GNAL: variants seen among roughly 807,000 people sequenced by gnomAD.
GNAL encodes the protein G protein subunit alpha L.
GNAL carries 18 observed loss-of-function variants against 55.1 expected under a neutral mutation model. The observed-to-expected ratio is 0.33, with a 90% CI of 0.23 to 0.48. GNAL has a LOEUF of 0.48. Among genes scored for constraint, GNAL ranks in the 20% least tolerant of loss-of-function variants. GNAL has a pLI of 0.99. For missense variants in GNAL, 412 were observed against 614.1 expected, an observed-to-expected ratio of 0.67 and a Z score of 3.48; for synonymous variants, 253 against 237.0, an observed-to-expected ratio of 1.07 and a Z score of -0.62.
chr18:11,798,178 T>C (rs1017776791), intron 4 of GNAL, among the ~76,000 whole-genome samples: 3 of 152,216 alleles, frequency 2.0e-5, no homozygotes, highest in African/African-American at 4.8e-5. Context: ...ATCTAGACTT[T>C]ACAACACAGT....
intron 1 of GNAL, among the ~76,000 whole-genome samples, chr18:11,703,795 GCACA>G (rs35455680): frequency 0.023 from 3,314 of 141,328 alleles, 81 homozygotes; most frequent in African/African-American, 0.066. Context: ...GTGTTGATGG[GCACA>G]CACACACACA....
chr18:11,881,036 C>T lies in GNAL; in HGVS notation c.1278C>T (p.His426=). 1.2e-6 allele frequency: 2 copies of T among 1,614,164 alleles called. No homozygotes were observed. Among genetic ancestry groups the T allele is most frequent in the East Asian group, 2.2e-5 (1 of 44,882 alleles). Residue 426 remains histidine (H), a synonymous_variant, in exon 12 of 12, where the codon CAC becomes CAT. Coordinates refer to ENST00000334049, the MANE Select transcript of GNAL (RefSeq NM_182978.4). The surrounding 1 kb of genome is among the most constrained non-coding windows in gnomAD (Gnocchi z 4.8). ...TGDGKHYCYP[H]FTCAVDTENI... is the part of the protein sequence containing the mutation. The stretch of plus-strand genomic sequence containing the variant: ...ACGGCAAACATTACTGCTACCCGCA[C>T]TTCACCTGCGCCGTGGACACAGAGA...
At chr18:11,769,482 G>C (rs1001457934) in intron 4 of GNAL, among the ~76,000 whole-genome samples, 6 of 152,048 alleles carry the variant, frequency 3.9e-5, no homozygotes, top group Non-Finnish European at 8.8e-5. Flanking sequence ...CTGGGGGACA[G>C]TAAGCTTTGG....
intron 11 of GNAL, among the ~76,000 whole-genome samples, chr18:11,877,639 G>A (rs528162084): frequency 1.6e-4 from 25 of 152,260 alleles, no homozygotes; most frequent in Middle Eastern, 6.8e-3. Context: ...CGATGTTCCC[G>A]GTAGTACTCC....
At chr18:11,859,814 C>T (rs1390026339) in intron 5 of GNAL, among the ~76,000 whole-genome samples, 4 of 150,586 alleles carry the variant, frequency 2.7e-5, no homozygotes, top group East Asian at 3.9e-4. Context: ...GGTGTGATCT[C>T]GGCTCACTAC....
rs1054016347 is a variant in GNAL at position 11,825,030 on chromosome 18, G to C, written c.722+15G>C. On this transcript the variant is annotated intron_variant, in intron 5 of 11. Transcript: ENST00000334049. ...TGTGCACAATAGTAAGTTGTGTCCT[G>C]TACAAGTTACAGGGCCCTTTGAAGA... 7.9e-6 allele frequency: 11 copies of C among 1,387,774 alleles called. No individual in the cohort carries two copies. The highest frequency in any genetic ancestry group is 7.1e-6 in the Non-Finnish European group (7 of 979,730). 86.0% of individuals were successfully genotyped at this position (1,387,774 alleles called of 1,614,324 possible).
At chr18:11,815,124 G>C (rs1036107988) in intron 4 of GNAL, among the ~76,000 whole-genome samples, 2 of 152,098 alleles carry the variant, frequency 1.3e-5, no homozygotes, top group Non-Finnish European at 2.9e-5. Flanking sequence ...AGCAGACTTG[G>C]AATATTATCA....
At chr18:11,737,653 C>T (rs116129851) in intron 1 of GNAL, among the ~76,000 whole-genome samples, 4 of 152,334 alleles carry the variant, frequency 2.6e-5, no homozygotes, top group African/African-American at 9.6e-5. Flanking sequence ...CCCCACATAG[C>T]AGTGCAGGTT....
chr18:11,789,705 A>G (rs567534131), intron 4 of GNAL, among the ~76,000 whole-genome samples: 28 of 152,296 alleles, frequency 1.8e-4, no homozygotes, highest in Admixed American at 1.5e-3. Flanking sequence ...CTGTCTTAGC[A>G]TTTGCTACCA....
rs192853899 is a variant in GNAL, at chr18:11,841,994, C to T, written c.722+16979C>T. Among the ~76,000 whole-genome samples, 22 of 149,952 alleles carry T rather than the reference C, an allele frequency of 1.5e-4. 1 individual carries two copies. The East Asian group carries it at 3.1e-3, about 21-fold the overall frequency. On this transcript the variant is annotated intron_variant, in intron 5 of 11. Transcript: ENST00000334049. ...GTTCAGATTTTTTTTTTTTTTGAGA[C>T]GGAGTTTCGCTGTTGTTGCCCAGGC...
intron 1 of GNAL, among the ~76,000 whole-genome samples, chr18:11,739,383 C>T (rs1445304625): frequency 6.6e-6 from 1 of 152,126 alleles, no homozygotes; most frequent in Non-Finnish European, 1.5e-5. Flanking sequence ...CCATCATGGC[C>T]GTTGACTCCC....
chr18:11,885,514 G>T lies in GNAL; in HGVS notation c.*4379G>T. The T allele has an allele frequency of 2.5e-6, 2 of 793,526 alleles. No individual in the cohort carries two copies. The highest frequency in any genetic ancestry group is 2.0e-6 in the Non-Finnish European group (1 of 501,866). The allele number at this position is 793,526 out of a possible 1,614,324, so 49.2% of individuals were successfully genotyped here. On this transcript the variant is annotated 3_prime_UTR_variant, in exon 12 of 12. Transcript: ENST00000334049. ...ATGTCATGCTGATTGGTTCCCGGAA[G>T]GGTGTTTGGCAAGGGGCAGTGTATG...
chr18:11,768,462 G>T (rs1257704963), intron 4 of GNAL, among the ~76,000 whole-genome samples: 2 of 151,980 alleles, frequency 1.3e-5, no homozygotes, highest in Admixed American at 6.6e-5. Flanking sequence ...TTAGCTGGGC[G>T]TGGTGGCACA....
intron 1 of GNAL, among the ~76,000 whole-genome samples, chr18:11,742,336 C>T (rs1295951346): frequency 6.6e-6 from 1 of 152,064 alleles, no homozygotes; most frequent in African/African-American, 2.4e-5. Flanking sequence ...TAGTTCTATT[C>T]CTATTGAATG....
At position 11,881,012 on chromosome 18, in the gene GNAL, C is replaced by T. The variant is rs752479000; in HGVS notation, c.1254C>T (p.Asp418=). The change falls in exon 12 of 12, where the codon GAC becomes GAT. Residue 418 remains aspartate, a synonymous_variant. Transcript: ENST00000334049. This position sits in a 1 kb window ranked among gnomAD's most constrained non-coding sequence, Gnocchi z 4.8. ...AGAGGATCAGCACGGCCACCGGTGA[C>T]GGCAAACATTACTGCTACCCGCACT... The part of the protein sequence containing the change: ...LFLRISTATG[D]GKHYCYPHFT... 2.6e-5 allele frequency: 42 copies of T among 1,613,984 alleles called. No homozygotes were observed. Among genetic ancestry groups the T allele is most frequent in the East Asian group, 4.5e-5 (2 of 44,884 alleles).
At chr18:11,700,766 A>G (rs2031547437) in intron 1 of GNAL, among the ~76,000 whole-genome samples, 1 of 152,252 alleles carries the variant, frequency 6.6e-6, no homozygotes, top group African/African-American at 2.4e-5. Flanking sequence ...TGTGCTTTGG[A>G]TTAATGCTCA....
At chr18:11,786,960 A>G (rs529575813) in intron 4 of GNAL, among the ~76,000 whole-genome samples, 1 of 152,116 alleles carries the variant, frequency 6.6e-6, no homozygotes, top group Non-Finnish European at 1.5e-5. Flanking sequence ...AAAGGTTTTT[A>G]AAATAATCTC....
At chr18:11,736,179 G>C (rs2032459391) in intron 1 of GNAL, among the ~76,000 whole-genome samples, 1 of 152,136 alleles carries the variant, frequency 6.6e-6, no homozygotes, top group South Asian at 2.1e-4. Flanking sequence ...AAGATTGCTT[G>C]AGGCCAGGAG....
At chr18:11,765,820 C>T (rs1170661492) in intron 4 of GNAL, among the ~76,000 whole-genome samples, 4 of 151,936 alleles carry the variant, frequency 2.6e-5, no homozygotes, top group African/African-American at 9.7e-5. Flanking sequence ...GATAGGATGT[C>T]TTTGAAACTT....
Sources: allele counts gnomAD v4.1 joint callset (sites outside exome capture counted in the v4.1 genomes callset), GRCh38; gene constraint gnomAD v4.1.1; non-coding constraint Gnocchi (gnomAD v3.1); transcripts MANE v1.5; gene names NCBI Gene and HGNC (gene_info 2026-07-23, HGNC 2026-07-21).